Variants in GPR158 observed in about 807,000 individuals in gnomAD.
GPR158 encodes the protein metabotropic glycine receptor.
In GPR158, 30 loss-of-function variants were observed where a neutral mutation model predicts 78.2. That is an observed-to-expected ratio of 0.38 (90% CI 0.29 to 0.52). GPR158 has a LOEUF of 0.52. GPR158 is among the 20% of genes least tolerant of loss of function. The probability of loss-of-function intolerance (pLI) is 0.83; values close to 1 mark genes in which losing one functional copy is unlikely to be tolerated. For synonymous variants in GPR158, 581 were observed against 591.1 expected, an observed-to-expected ratio of 0.98 and a Z score of 0.25; for missense variants, 1,463 against 1,523.5, an observed-to-expected ratio of 0.96 and a Z score of 0.66.
chr10:25,598,949 G>A lies in GPR158; in HGVS notation c.3323G>A (p.Arg1108His), dbSNP rs754333410. 19 of 1,613,798 alleles carry A rather than the reference G, an allele frequency of 1.2e-5. No homozygotes were observed. Among genetic ancestry groups the A allele is most frequent in the South Asian group, 7.7e-5 (7 of 91,072 alleles). The change falls in exon 11 of 11, where the codon CGT becomes CAT. Residue 1108 changes from arginine to histidine, a missense_variant. Arg to His is a conservative substitution (Grantham distance 29). Coordinates refer to ENST00000376351, the MANE Select transcript of GPR158 (RefSeq NM_020752.3). ...AAAGAGGAGAACGGAGGTCAGCCTC[G>A]TGCAGCCAATGTGTGTGCTGGGCAG... is the stretch of plus-strand genomic sequence containing the variant. ...RAKEENGGQP[R>H]AANVCAGQSE...
At chr10:25,252,613 A>T (rs11014471) in intron 2 of GPR158, among the ~76,000 whole-genome samples, 55 of 152,122 alleles carry the variant, frequency 3.6e-4, no homozygotes, top group Admixed American at 5.2e-4. Context: ...GGTGCCTCCC[A>T]GTTAGGCTGC....
chr10:25,287,814 A>T lies in GPR158; in HGVS notation c.1008+66657A>T, dbSNP rs181903824. 4.2e-3 allele frequency among the ~76,000 whole-genome samples: 642 copies of T among 152,134 alleles called. 4 individuals carry two copies. Among genetic ancestry groups the T allele is most frequent in the African/African-American group, 0.015 (618 of 41,498 alleles). On this transcript the variant is annotated intron_variant, in intron 2 of 10. Transcript: ENST00000376351. ...CATATTGTCTGCCATTTTATTGGCTATTTTTATTGTATTGAGGTTGGAAGC... is the reference window on the plus strand; with the variant it reads ...CATATTGTCTGCCATTTTATTGGCTTTTTTTATTGTATTGAGGTTGGAAGC...
At chr10:25,399,205 C>T (rs938307834) in intron 3 of GPR158, among the ~76,000 whole-genome samples, 1 of 152,234 alleles carries the variant, frequency 6.6e-6, no homozygotes, top group South Asian at 2.1e-4. Context: ...TGAGAACTCA[C>T]TCACTATCAT....
At chr10:25,318,155 C>T (rs1854887333) in intron 2 of GPR158, among the ~76,000 whole-genome samples, 1 of 152,170 alleles carries the variant, frequency 6.6e-6, no homozygotes, top group South Asian at 2.1e-4. Context: ...TAATGGATGG[C>T]TCCTTTGGAG....
chr10:25,248,695 C>G (rs1238119146), intron 2 of GPR158, among the ~76,000 whole-genome samples: 2 of 150,814 alleles, frequency 1.3e-5, no homozygotes, highest in Non-Finnish European at 3.0e-5. Flanking sequence ...GGTACCAGTA[C>G]CATGCTGTTT....
chr10:25,261,725 T>C (rs1277013439), intron 2 of GPR158, among the ~76,000 whole-genome samples: 1 of 152,204 alleles, frequency 6.6e-6, no homozygotes, highest in Non-Finnish European at 1.5e-5. Context: ...GCACTCTGTT[T>C]TATTTGTAAA....
intron 2 of GPR158, among the ~76,000 whole-genome samples, chr10:25,321,725 C>A (rs1309447055): frequency 6.6e-6 from 1 of 152,014 alleles, no homozygotes; most frequent in Non-Finnish European, 1.5e-5. Context: ...CTTTGGCCAT[C>A]CATTTTTTTT....
chr10:25,392,008 C>T (rs778214320), intron 2 of GPR158, among the ~76,000 whole-genome samples: 2 of 152,072 alleles, frequency 1.3e-5, no homozygotes, highest in East Asian at 1.9e-4. Flanking sequence ...CTCCTGCACA[C>T]GTTCTCCTGC....
At chr10:25,190,629 C>T (rs1852760908) in intron 1 of GPR158, among the ~76,000 whole-genome samples, 1 of 152,128 alleles carries the variant, frequency 6.6e-6, no homozygotes, top group Admixed American at 6.6e-5. Context: ...CCGCTGCTGG[C>T]CCTACATATA....
At chr10:25,255,635 G>A (rs1398235244) in intron 2 of GPR158, among the ~76,000 whole-genome samples, 1 of 152,196 alleles carries the variant, frequency 6.6e-6, no homozygotes, top group African/African-American at 2.4e-5. Flanking sequence ...GCTGGCCTCA[G>A]CTTCTAGAGG....
rs747693904 is a variant in GPR158 at position 25,597,958 on chromosome 10, G to A, written c.2332G>A (p.Asp778Asn). ...QCSKEDKEGA[D>N]HGTAKGTALI... ...CTCTAAAGAGGACAAGGAGGGCGCC[G>A]ACCATGGCACAGCCAAAGGCACTGC... The change falls in exon 11 of 11, where the codon GAC becomes AAC. Residue 778 changes from aspartate (D) to asparagine (N), a missense_variant. Coordinates refer to ENST00000376351, the MANE Select transcript of GPR158 (RefSeq NM_020752.3). The A allele has an allele frequency of 3.0e-5, 48 of 1,613,792 alleles. No homozygotes were observed. Among genetic ancestry groups the A allele is most frequent in the Admixed American group, 2.3e-4 (14 of 59,980 alleles).
intron 2 of GPR158, among the ~76,000 whole-genome samples, chr10:25,312,181 A>G (rs1854773964): frequency 6.6e-6 from 1 of 152,052 alleles, no homozygotes; most frequent in South Asian, 2.1e-4. Context: ...AAACCATTTC[A>G]GAGGACTTGT....
rs970574931 is a variant in GPR158, at chr10:25,200,664, G to T, written c.903-20388G>T. On this transcript the variant is annotated intron_variant, in intron 1 of 10. Transcript: ENST00000376351. The stretch of plus-strand genomic sequence containing the variant: ...TACAAGTCTTTACTGATCTTGAATT[G>T]ATTTTTGTATATGGTGTAAGAAAGG... 1.3e-4 allele frequency among the ~76,000 whole-genome samples: 20 copies of T among 152,134 alleles called. 1 individual carries two copies. Among genetic ancestry groups the T allele is most frequent in the African/African-American group, 4.6e-4 (19 of 41,538 alleles).
chr10:25,230,386 A>G (rs1278065679), intron 2 of GPR158, among the ~76,000 whole-genome samples: 1 of 152,204 alleles, frequency 6.6e-6, no homozygotes, highest in Admixed American at 6.5e-5. Flanking sequence ...AGAGGCTTAT[A>G]TTTCAACTGT....
chr10:25,416,301 A>G (rs1243720408), intron 4 of GPR158, among the ~76,000 whole-genome samples: 1 of 152,176 alleles, frequency 6.6e-6, no homozygotes, highest in Non-Finnish European at 1.5e-5. Flanking sequence ...TCCATTAAGT[A>G]TTCATTCATA....
intron 2 of GPR158, among the ~76,000 whole-genome samples, chr10:25,326,710 G>A (rs772784782): frequency 5.7e-4 from 86 of 152,204 alleles, no homozygotes; most frequent in African/African-American, 1.9e-3. Flanking sequence ...TAATAATAAC[G>A]TGTTGTATAC....
At position 25,295,730 on chromosome 10, in the gene GPR158, A is replaced by G. The variant is rs1200434620; in HGVS notation, c.1008+74573A>G. Reference sequence around the variant, plus strand: ...GCCCGGCCTGACTTCCCTTTCTTTTATACTTCAAATAAAACCTGAAAAAAC... The same window carrying G: ...GCCCGGCCTGACTTCCCTTTCTTTTGTACTTCAAATAAAACCTGAAAAAAC... On this transcript the variant is annotated intron_variant, in intron 2 of 10. Transcript: ENST00000376351. 2.0e-5 allele frequency among the ~76,000 whole-genome samples: 3 copies of G among 152,082 alleles called. No homozygotes were observed. The East Asian group carries it at 5.8e-4, about 29-fold the overall frequency.
At chr10:25,540,968 AT>A (rs574593659) in intron 5 of GPR158, among the ~76,000 whole-genome samples, 6,040 of 125,796 alleles carry the variant, frequency 0.048, 443 homozygotes, top group African/African-American at 0.18. Context: ...ATATATATAT[AT>A]ATATATATAA....
chr10:25,391,166 C>A (rs1355877222), intron 2 of GPR158, among the ~76,000 whole-genome samples: 2 of 152,178 alleles, frequency 1.3e-5, no homozygotes, highest in Non-Finnish European at 2.9e-5. Flanking sequence ...AGGTGTGCTG[C>A]AGGGGTGGGT....
Sources: gnomAD v4.1 joint callset for allele counts (sites outside exome capture counted in the v4.1 genomes callset) on GRCh38, gnomAD v4.1.1 for gene constraint, MANE v1.5 for transcripts, NCBI Gene and HGNC (gene_info 2026-07-23, HGNC 2026-07-21) for gene names.